The following GTF2IRD1 variants were observed in gnomAD, a reference collection of about 807,000 sequenced individuals.
GTF2IRD1 encodes GTF2I repeat domain containing 1.
Under a neutral mutation model 113.2 loss-of-function variants are expected in GTF2IRD1, and 26 were observed. That is an observed-to-expected ratio of 0.23 (90% confidence interval 0.17 to 0.32). The LOEUF (loss-of-function observed/expected upper bound fraction) is 0.32, where lower values mean the gene tolerates loss of function less well. GTF2IRD1 is among the 10% of genes least tolerant of loss of function. The pLI, the probability that GTF2IRD1 is intolerant of heterozygous loss-of-function variation, is 1.00. For synonymous variants in GTF2IRD1, 484 were observed against 529.1 expected (o/e 0.91, Z 1.17); for missense variants, 864 against 1,280.8 (o/e 0.67, Z 4.97).
chr7:74,589,976 G>T (rs782806049), intron 23 of GTF2IRD1, 48 bp downstream of exon 23: 11 of 1,251,456 alleles, frequency 8.8e-6, no homozygotes, highest in Non-Finnish European at 1.3e-5. Context: ...CCTCCCGGGG[G>T]TGGTGGGGGG....
intron 25 of GTF2IRD1, 131 bp from the exon 26 acceptor site, chr7:74,600,913 G>A (rs1314580619): frequency 2.1e-6 from 2 of 958,948 alleles, no homozygotes; most frequent in Non-Finnish European, 3.2e-6. Flanking sequence ...TGACCCCCAG[G>A]GGATCAGGAG....
At position 74,529,784 on chromosome 7, in the gene GTF2IRD1, G is replaced by T. The variant is rs2130443881; in HGVS notation, c.1141G>T (p.Ala381Ser). The change falls in exon 9 of 27, where the codon GCC becomes TCC. Residue 381 changes from alanine to serine, a missense_variant. Physicochemically the swap from Ala to Ser is moderately conservative, Grantham distance 99. Around this residue, in one of 7 missense-constraint regions of GTF2IRD1, gnomAD observed 218 missense variants for 352.6 expected, o/e 0.62. Transcript: ENST00000424337. ...GGTCCCCGTGCCCTACCGGAAGATT[G>T]CCTGTGACCCGGAGGCTGTGGAGAT... ...HMVPVPYRKIACDPEAVEIVG... is the reference protein window; with the variant it reads ...HMVPVPYRKISCDPEAVEIVG... 1.2e-6 allele frequency: 2 copies of T among 1,614,158 alleles called. No homozygotes were observed. The highest frequency in any genetic ancestry group is 4.5e-5 in the East Asian group (2 of 44,880).
intron 1 of GTF2IRD1, among the ~76,000 whole-genome samples, chr7:74,460,507 A>G (rs1554328866): frequency 6.6e-6 from 1 of 151,816 alleles, no homozygotes; most frequent in Non-Finnish European, 1.5e-5. Flanking sequence ...TCAGCTTCCC[A>G]AAGTGCTGGG....
chr7:74,491,514 C>T (rs1229403888), intron 1 of GTF2IRD1, among the ~76,000 whole-genome samples: 7 of 82,354 alleles, frequency 8.5e-5, no homozygotes, highest in African/African-American at 4.1e-4. Context: ...GTGTGTGTTG[C>T]CCCCCTCTCT....
chr7:74,552,772 C>T (rs1273510413), intron 17 of GTF2IRD1, among the ~76,000 whole-genome samples: 4 of 152,138 alleles, frequency 2.6e-5, no homozygotes, highest in Non-Finnish European at 5.9e-5. Flanking sequence ...TGTGCAGAGA[C>T]ACCTTGTGCT....
chr7:74,523,727 A>G (rs959134982), intron 7 of GTF2IRD1, among the ~76,000 whole-genome samples: 1 of 152,018 alleles, frequency 6.6e-6, no homozygotes, highest in Non-Finnish European at 1.5e-5. Flanking sequence ...TCTAAAGGAA[A>G]AAAAAAAACA....
intron 12 of GTF2IRD1, 143 bp downstream of exon 12, chr7:74,538,316 G>C: frequency 2.5e-6 from 2 of 798,392 alleles, no homozygotes; most frequent in Non-Finnish European, 2.1e-6. Flanking sequence ...GCCTCCACTA[G>C]GCCTCGCAGA....
intron 1 of GTF2IRD1, among the ~76,000 whole-genome samples, chr7:74,473,185 G>A (rs1245599533): frequency 1.3e-5 from 2 of 152,178 alleles, no homozygotes; most frequent in Non-Finnish European, 2.9e-5. Flanking sequence ...GCAGAATTGG[G>A]GTCAGCCTGG....
Position 74,538,181 on chromosome 7 carries a change from G to A in GTF2IRD1, c.1447+8G>A. ...CTGAAGACTGTGGGCCAGGTGAGAA[G>A]GAACAGGGCCCGCTGTGTGTGTGGT... On this transcript the variant is annotated splice_region_variant and intron_variant, in intron 12 of 26. Coordinates refer to ENST00000424337, the MANE Select transcript of GTF2IRD1 (RefSeq NM_005685.4). 1.9e-6 allele frequency: 3 copies of A among 1,612,330 alleles called. No individual in the cohort carries two copies. Among genetic ancestry groups the A allele is most frequent in the Non-Finnish European group, 2.5e-6 (3 of 1,179,576 alleles).
intron 22 of GTF2IRD1, among the ~76,000 whole-genome samples, chr7:74,584,920 G>A (rs782043871): frequency 1.2e-4 from 18 of 151,990 alleles, no homozygotes; most frequent in African/African-American, 3.1e-4. Context: ...TCCTGCCTCC[G>A]CCCCCGGAGT....
chr7:74,538,564 T>A (rs1554350808), intron 12 of GTF2IRD1, 116 bp from the exon 13 acceptor site: 2 of 797,596 alleles, frequency 2.5e-6, no homozygotes, highest in African/African-American at 3.4e-5. Context: ...TGACATGACT[T>A]GTCCTAGGTA....
At chr7:74,509,130 G>T (rs1316284282) in intron 2 of GTF2IRD1, among the ~76,000 whole-genome samples, 1 of 152,116 alleles carries the variant, frequency 6.6e-6, no homozygotes, top group Non-Finnish European at 1.5e-5. Context: ...GCCGAGGCGG[G>T]TGGATCATTT....
chr7:74,477,733 G>A (rs1464879214), intron 1 of GTF2IRD1, among the ~76,000 whole-genome samples: 1 of 152,146 alleles, frequency 6.6e-6, no homozygotes, highest in Non-Finnish European at 1.5e-5. Context: ...CAGGGGCATG[G>A]GTGGGTAGAG....
At chr7:74,468,356 T>TGA (rs1793855319) in intron 1 of GTF2IRD1, among the ~76,000 whole-genome samples, 1 of 11,060 alleles carries the variant, frequency 9.0e-5, no homozygotes, top group African/African-American at 2.9e-4. Context: ...TAAAAATAAT[T>TGA]TAAAAAAAAA....
intron 1 of GTF2IRD1, chr7:74,505,951 T>A (rs1796276374): frequency 1.3e-5 from 2 of 152,238 alleles, no homozygotes; most frequent in South Asian, 4.1e-4. Flanking sequence ...GATTTCAAAC[T>A]TCTATAAAAT....
Position 74,555,650 on chromosome 7 carries a change from T to C in GTF2IRD1, c.2023+156T>C, listed in dbSNP as rs1370398906. ...CAGGTTGGCAGCCCAGGCCCGGCTG[T>C]ACCCTGCCAGCTCTGTGTTAGAGAC... On this transcript the variant is annotated intron_variant, in intron 19 of 26. Coordinates refer to ENST00000424337, the MANE Select transcript of GTF2IRD1 (RefSeq NM_005685.4). This position sits in a 1 kb window ranked among gnomAD's most constrained non-coding sequence, Gnocchi z 5.3. 1.3e-5 allele frequency among the ~76,000 whole-genome samples: 2 copies of C among 152,150 alleles called. No homozygotes were observed. The highest frequency in any genetic ancestry group is 2.9e-5 in the Non-Finnish European group (2 of 68,030).
intron 25 of GTF2IRD1, among the ~76,000 whole-genome samples, chr7:74,598,394 A>G (rs1802549941): frequency 6.6e-6 from 1 of 151,594 alleles, no homozygotes; most frequent in South Asian, 2.1e-4. Context: ...GGATCACCTG[A>G]GGTCAGGAGT....
chr7:74,510,464 A>G (rs150132320), intron 2 of GTF2IRD1, among the ~76,000 whole-genome samples: 15,365 of 150,562 alleles, frequency 0.1, 1,932 homozygotes, highest in East Asian at 0.39. Flanking sequence ...GCGCCACCAC[A>G]CCTGGCTAAT....
chr7:74,515,709 C>T (rs1261524340), intron 4 of GTF2IRD1, 113 bp downstream of exon 4: 1 of 866,208 alleles, frequency 1.2e-6, no homozygotes, highest in Non-Finnish European at 1.8e-6. Flanking sequence ...CAAAGCCGGA[C>T]CCCAAGGCAT....
Sources: gnomAD v4.1 joint callset for allele counts (sites outside exome capture counted in the v4.1 genomes callset) on GRCh38, gnomAD v4.1.1 for gene constraint, gnomAD v4.1.1 regional missense constraint, Gnocchi (gnomAD v3.1) non-coding constraint, MANE v1.5 for transcripts, NCBI Gene and HGNC (gene_info 2026-07-23, HGNC 2026-07-21) for gene names.